KDM4C: variants seen among roughly 807,000 people sequenced by gnomAD.
KDM4C encodes lysine demethylase 4C.
In KDM4C, 81 loss-of-function variants were observed where a neutral mutation model predicts 129.3. The ratio of observed to expected loss-of-function variants is 0.63; its 90% CI spans 0.52 to 0.75. The LOEUF (loss-of-function observed/expected upper bound fraction) is 0.75. KDM4C is among the 30% of genes least tolerant of loss of function. The pLI, the probability that KDM4C is intolerant of heterozygous loss-of-function variation, is 0.00. For synonymous variants in KDM4C, 573 were observed against 456.1 expected (o/e 1.26, Z -3.26); for missense variants, 1,457 against 1,304.0 (o/e 1.12, Z -1.81).
chr9:6,856,886 T>G (rs1290168747), intron 5 of KDM4C, among the ~76,000 whole-genome samples: 6 of 151,140 alleles, frequency 4.0e-5, no homozygotes, highest in Non-Finnish European at 8.8e-5. Context: ...GCCTCCCGAG[T>G]AGCTGGGACT....
At chr9:7,123,426 ACT>A (rs566175748) in intron 18 of KDM4C, among the ~76,000 whole-genome samples, 13 of 152,264 alleles carry the variant, frequency 8.5e-5, no homozygotes, top group African/African-American at 2.9e-4. Flanking sequence ...TAGGGATATC[ACT>A]CTACAGTGCC....
At chr9:7,109,786 A>G (rs1299147493) in intron 18 of KDM4C, among the ~76,000 whole-genome samples, 1 of 151,986 alleles carries the variant, frequency 6.6e-6, no homozygotes, top group African/African-American at 2.4e-5. Context: ...TGACTGCTTT[A>G]TTTCTAATTT....
chr9:6,723,203 G>A (rs749553370), intron 1 of KDM4C, among the ~76,000 whole-genome samples: 32 of 151,726 alleles, frequency 2.1e-4, no homozygotes, highest in Non-Finnish European at 3.7e-4. Context: ...GAGAAACCCC[G>A]TCTCTACTAA....
chr9:6,748,860 A>G (rs774364514), intron 1 of KDM4C: 1 of 1,056,680 alleles, frequency 9.5e-7, no homozygotes, highest in Non-Finnish European at 1.5e-6. Flanking sequence ...TTCTATCTGC[A>G]TATTCACTTG....
At chr9:7,013,020 C>T (rs1822978986) in intron 13 of KDM4C, among the ~76,000 whole-genome samples, 2 of 151,962 alleles carry the variant, frequency 1.3e-5, no homozygotes, top group Admixed American at 1.3e-4. Flanking sequence ...GAGTGACAAA[C>T]ATTATTTTTC....
At chr9:6,961,380 T>G (rs1018827122) in intron 8 of KDM4C, among the ~76,000 whole-genome samples, 1 of 152,128 alleles carries the variant, frequency 6.6e-6, no homozygotes, top group African/African-American at 2.4e-5. Flanking sequence ...TATATAGTGT[T>G]TTGTGTTTAT....
chr9:6,956,198 A>G (rs1212112865), intron 8 of KDM4C, among the ~76,000 whole-genome samples: 2 of 152,204 alleles, frequency 1.3e-5, no homozygotes, highest in Non-Finnish European at 2.9e-5. Context: ...CAATGTGGTG[A>G]CTATAGTCGA....
intron 8 of KDM4C, among the ~76,000 whole-genome samples, chr9:6,906,399 G>A (rs1467595717): frequency 6.6e-6 from 1 of 152,180 alleles, no homozygotes; most frequent in African/African-American, 2.4e-5. Context: ...CTAAGTACCT[G>A]TTGTTGTCTC....
chr9:6,799,839 A>G (rs1266132702), intron 2 of KDM4C, among the ~76,000 whole-genome samples: 4 of 151,892 alleles, frequency 2.6e-5, no homozygotes, highest in East Asian at 3.9e-4. Flanking sequence ...CCCTTTCAAT[A>G]TGTCATCAAA....
chr9:6,922,748 AAACAG>A (rs1472802863), intron 8 of KDM4C, among the ~76,000 whole-genome samples: 4 of 152,248 alleles, frequency 2.6e-5, no homozygotes, highest in African/African-American at 9.6e-5. Flanking sequence ...CCCTGTCTCA[AAACAG>A]AGAAATAAAC....
At chr9:7,016,246 G>C (rs1489206523) in intron 15 of KDM4C, among the ~76,000 whole-genome samples, 1 of 151,580 alleles carries the variant, frequency 6.6e-6, no homozygotes, top group Non-Finnish European at 1.5e-5. Flanking sequence ...TCCTGCCTCA[G>C]CCTCCCAAGT....
intron 1 of KDM4C, among the ~76,000 whole-genome samples, chr9:6,729,124 A>C (rs1276882495): frequency 8.0e-6 from 1 of 125,562 alleles, no homozygotes; most frequent in Non-Finnish European, 1.6e-5. Flanking sequence ...GAATTGCTTG[A>C]ACCCGGGAAG....
intron 4 of KDM4C, among the ~76,000 whole-genome samples, chr9:6,844,748 CATGAT>C (rs1194138736): frequency 1.2e-4 from 18 of 152,264 alleles, no homozygotes; most frequent in Non-Finnish European, 2.2e-4. Context: ...AGTGCAGTGG[CATGAT>C]CTCTGCTCAC....
chr9:6,848,979 C>T (rs745713130), intron 4 of KDM4C, among the ~76,000 whole-genome samples: 1 of 152,094 alleles, frequency 6.6e-6, no homozygotes, highest in Non-Finnish European at 1.5e-5. Flanking sequence ...TTTAAGGAAA[C>T]AATGTATTAC....
At position 7,038,208 on chromosome 9, in the gene KDM4C, T is replaced by C. The variant is rs79856269; in HGVS notation, c.2260-8654T>C. 9.5e-3 allele frequency among the ~76,000 whole-genome samples: 1,450 copies of C among 152,216 alleles called. 17 individuals are homozygous for C. The highest frequency in any genetic ancestry group is 0.019 in the Admixed American group (284 of 15,282). On this transcript the variant is annotated intron_variant, in intron 15 of 21. Coordinates refer to ENST00000381309, the MANE Select transcript of KDM4C (RefSeq NM_015061.6). ...GTTTCTTGTAAAAAGGTTTAATTTCTTTATGTGTGTGTCTGTGAGTTTGCT... is the reference window on the plus strand; with the variant it reads ...GTTTCTTGTAAAAAGGTTTAATTTCCTTATGTGTGTGTCTGTGAGTTTGCT...
chr9:6,747,045 TAGTC>T (rs947438490), intron 1 of KDM4C, among the ~76,000 whole-genome samples: 11 of 144,370 alleles, frequency 7.6e-5, no homozygotes, highest in African/African-American at 2.8e-4. Context: ...AGAAAAAAAT[TAGTC>T]AGGTGTGGTG....
intron 8 of KDM4C, among the ~76,000 whole-genome samples, chr9:6,970,899 A>G (rs1025263063): frequency 2.7e-5 from 4 of 150,654 alleles, no homozygotes; most frequent in Non-Finnish European, 1.5e-5. Context: ...GCACTCATAC[A>G]CTAACCCCAT....
intron 5 of KDM4C, among the ~76,000 whole-genome samples, chr9:6,859,062 A>C (rs1840448051): frequency 6.6e-6 from 1 of 152,138 alleles, no homozygotes; most frequent in Non-Finnish European, 1.5e-5. Flanking sequence ...CATTTTTTAT[A>C]AGCTTGCTTT....
chr9:7,147,910 G>A (rs568091413), intron 19 of KDM4C, among the ~76,000 whole-genome samples: 267 of 152,298 alleles, frequency 1.8e-3, no homozygotes, highest in African/African-American at 6.1e-3. Context: ...GCTCATGCCC[G>A]CTAGGCTCGT....
Sources: gnomAD v4.1 joint callset for allele counts (sites outside exome capture counted in the v4.1 genomes callset) on GRCh38, gnomAD v4.1.1 for gene constraint, MANE v1.5 for transcripts, NCBI Gene and HGNC (gene_info 2026-07-23, HGNC 2026-07-21) for gene names.